Variants in HTR2C observed in about 807,000 individuals in gnomAD.
HTR2C encodes 5-hydroxytryptamine receptor 2C.
A neutral mutation model predicts 21.0 loss-of-function variants in HTR2C; 5 were observed. That is an observed-to-expected ratio of 0.24 (90% confidence interval 0.12 to 0.50). HTR2C has a LOEUF of 0.50. Ranked by LOEUF, HTR2C falls within the 20% of genes least tolerant of loss-of-function variation. HTR2C has a pLI of 0.98. For synonymous variants in HTR2C, 150 were observed against 145.3 expected (o/e 1.03, Z -0.23); for missense variants, 271 against 371.2 (o/e 0.73, Z 2.22).
At chrX:114,793,776 A>C (rs1556444354) in intron 4 of HTR2C, among the ~76,000 whole-genome samples, 1 of 110,065 alleles carries the variant, frequency 9.1e-6, no homozygotes, top group African/African-American at 3.3e-5. Flanking sequence ...AATTCAGCCA[A>C]TATATATTAA....
Position 114,764,111 on chromosome X carries a change from A to G in HTR2C, c.349+32504A>G, listed in dbSNP as rs141579986. Among the ~76,000 whole-genome samples, 1,050 of 111,738 alleles carry G rather than the reference A, an allele frequency of 9.4e-3. 13 individuals carry two copies. Among genetic ancestry groups the G allele is most frequent in the African/African-American group, 0.032 (991 of 30,727 alleles). On this transcript the variant is annotated intron_variant, in intron 4 of 5. Coordinates refer to ENST00000276198, the MANE Select transcript of HTR2C (RefSeq NM_000868.4). ...TCTTCTATCCTCCTTAGAAATGTAC[A>G]ACTTTGGCTGGGTGCGGTGGCTCAT... is the stretch of plus-strand genomic sequence containing the variant.
intron 5 of HTR2C, among the ~76,000 whole-genome samples, chrX:114,881,998 T>G (rs2071185467): frequency 9.0e-6 from 1 of 110,886 alleles, no homozygotes; most frequent in African/African-American, 3.3e-5. Flanking sequence ...GTCCATTTAC[T>G]TAAATTCTTT....
chrX:114,790,572 T>C (rs1353690857), intron 4 of HTR2C, among the ~76,000 whole-genome samples: 1 of 111,694 alleles, frequency 9.0e-6, no homozygotes, highest in Non-Finnish European at 1.9e-5. Context: ...TAATAGGATG[T>C]TTGATAGATA....
At chrX:114,723,044 A>T (rs1336783272) in intron 2 of HTR2C, among the ~76,000 whole-genome samples, 1 of 111,498 alleles carries the variant, frequency 9.0e-6, no homozygotes, top group Non-Finnish European at 1.9e-5. Context: ...TGAGTTAGGG[A>T]GGATTCCCTC....
intron 2 of HTR2C, among the ~76,000 whole-genome samples, chrX:114,660,695 A>G (rs1304876852): frequency 8.9e-6 from 1 of 112,338 alleles, no homozygotes; most frequent in African/African-American, 3.2e-5. Flanking sequence ...GAGAATCCTT[A>G]TAATAGATTT....
chrX:114,783,323 G>A (rs1268385583), intron 4 of HTR2C, among the ~76,000 whole-genome samples: 1 of 111,514 alleles, frequency 9.0e-6, no homozygotes, highest in African/African-American at 3.3e-5. Context: ...AAAGAAAGAT[G>A]GTATAGCTAC....
rs1285405501 is a variant in HTR2C at position 114,793,741 on chromosome X, TCATC to T, written c.350-54242_350-54239del. On this transcript the variant is annotated intron_variant, in intron 4 of 5. Transcript: ENST00000276198. ...ACCTTAGGCTTTTTTTTTTATTTATTCATCCATCCATCCATCCATCCATTAATTC... is the reference window on the plus strand; with the variant it reads ...ACCTTAGGCTTTTTTTTTTATTTATTCATCCATCCATCCATCCATTAATTC... Among the ~76,000 whole-genome samples, 3 of 109,943 alleles carry T rather than the reference TCATC, an allele frequency of 2.7e-5. No homozygotes were observed. In the Admixed American group the frequency reaches 2.9e-4, roughly 11 times the overall value.
At chrX:114,753,252 C>G (rs2069779564) in intron 4 of HTR2C, among the ~76,000 whole-genome samples, 1 of 111,038 alleles carries the variant, frequency 9.0e-6, no homozygotes, top group African/African-American at 3.3e-5. Context: ...GTGGGCCCAT[C>G]TCCCAATAGC....
In HTR2C at chrX:114,877,787, T is replaced by G. The variant is rs2071150396; in HGVS notation, c.551-28802T>G. ...TTTAAATTTTCCTCCCGTTATTAAT[T>G]TTTAGTTTCATACCATTGTGGTCAG... On this transcript the variant is annotated intron_variant, in intron 5 of 5. Coordinates refer to ENST00000276198, the MANE Select transcript of HTR2C (RefSeq NM_000868.4). Among the ~76,000 whole-genome samples, 9 of 110,855 alleles carry G rather than the reference T, an allele frequency of 8.1e-5. No individual in the cohort carries two copies. The Admixed American group carries it at 8.7e-4, about 11-fold the overall frequency.
chrX:114,731,737 G>A, intron 4 of HTR2C, 130 bp downstream of exon 4: 1 of 468,439 alleles, frequency 2.1e-6, no homozygotes, highest in Non-Finnish European at 3.6e-6. Context: ...TGTGACAGAA[G>A]GAGTTGGATG....
chrX:114,857,644 T>G (rs1223355904), intron 5 of HTR2C, among the ~76,000 whole-genome samples: 2 of 111,468 alleles, frequency 1.8e-5, no homozygotes, highest in Non-Finnish European at 3.8e-5. Context: ...CGGATATGTA[T>G]AGTGAAAATA....
intron 2 of HTR2C, among the ~76,000 whole-genome samples, chrX:114,711,816 C>A (rs1932896431): frequency 9.0e-6 from 1 of 111,676 alleles, no homozygotes. Flanking sequence ...TATCACTGTG[C>A]CTGGAACAAA....
intron 2 of HTR2C, among the ~76,000 whole-genome samples, chrX:114,640,889 TTCCTTCCTTCCTG>T (rs1188871037): frequency 1.8e-4 from 20 of 108,393 alleles, no homozygotes; most frequent in African/African-American, 6.4e-4. Flanking sequence ...TTTCTTTTCC[TTCCTTCCTTCCTG>T]TCCTTCCTTC....
chrX:114,793,105 T>C (rs2070251148), intron 4 of HTR2C, among the ~76,000 whole-genome samples: 1 of 111,718 alleles, frequency 9.0e-6, no homozygotes, highest in African/African-American at 3.2e-5. Context: ...GTGTGTGCTG[T>C]GCAGGAGCTC....
intron 4 of HTR2C, among the ~76,000 whole-genome samples, chrX:114,836,916 GA>G (rs2070791930): frequency 9.0e-6 from 1 of 111,239 alleles, no homozygotes; most frequent in African/African-American, 3.3e-5. Context: ...TTTAAGTCCT[GA>G]ACATTTTTAC....
intron 4 of HTR2C, among the ~76,000 whole-genome samples, chrX:114,754,524 A>C (rs1556429237): frequency 8.9e-6 from 1 of 111,865 alleles, no homozygotes; most frequent in Non-Finnish European, 1.9e-5. Context: ...TTTTTGACAA[A>C]GGTGCAAAAG....
chrX:114,816,203 T>G (rs1359185205), intron 4 of HTR2C, among the ~76,000 whole-genome samples: 1 of 109,745 alleles, frequency 9.1e-6, no homozygotes, highest in African/African-American at 3.4e-5. Context: ...ACGAATTGTA[T>G]GACCAGGATG....
intron 4 of HTR2C, among the ~76,000 whole-genome samples, chrX:114,758,294 G>A (rs1953829796): frequency 9.0e-6 from 1 of 111,256 alleles, no homozygotes; most frequent in Admixed American, 9.6e-5. Flanking sequence ...GGGCATGGTG[G>A]CTCATGCCTG....
rs781996748 is a variant in HTR2C, at chrX:114,648,543, C to A, written c.-80+34662C>A. Among the ~76,000 whole-genome samples, 72 of 111,275 alleles carry A rather than the reference C, an allele frequency of 6.5e-4. 2 individuals carry two copies. The South Asian group carries it at 0.027, about 41-fold the overall frequency. On this transcript the variant is annotated intron_variant, in intron 2 of 5. Transcript: ENST00000276198. Reference sequence around the variant, plus strand: ...AGGTGTTTAAGACCAGCCTAGGCAACATAATGAAACCCCATCTCCACAAAC... The same window carrying A: ...AGGTGTTTAAGACCAGCCTAGGCAAAATAATGAAACCCCATCTCCACAAAC...
Sources: gnomAD v4.1 joint callset for allele counts (sites outside exome capture counted in the v4.1 genomes callset) on GRCh38, gnomAD v4.1.1 for gene constraint, MANE v1.5 for transcripts, NCBI Gene and HGNC (gene_info 2026-07-23, HGNC 2026-07-21) for gene names.